The following ATP10A variants were observed in gnomAD, a reference collection of about 807,000 sequenced individuals.
ATP10A encodes the protein ATPase phospholipid transporting 10A (putative), also known as phospholipid-transporting ATPase VA.
ATP10A carries 111 observed loss-of-function variants against 147.8 expected under a neutral mutation model. The ratio of observed to expected loss-of-function variants is 0.75; its 90% CI spans 0.64 to 0.88. The LOEUF is 0.88. ATP10A is among the 40% of genes least tolerant of loss of function. The pLI, the probability that ATP10A is intolerant of heterozygous loss-of-function variation, is 0.00. For synonymous variants in ATP10A, 875 were observed against 841.6 expected (o/e 1.04, Z -0.69); for missense variants, 1,927 against 1,959.0 (o/e 0.98, Z 0.31).
chr15:25,685,708 C>T (rs1899675317), intron 16 of ATP10A, among the ~76,000 whole-genome samples: 1 of 151,952 alleles, frequency 6.6e-6, no homozygotes, highest in African/African-American at 2.4e-5. Flanking sequence ...CCTGTAGTCC[C>T]AGCTACTCAG....
intron 2 of ATP10A, among the ~76,000 whole-genome samples, chr15:25,759,990 T>A (rs529344786): frequency 8.2e-4 from 124 of 151,502 alleles, no homozygotes; most frequent in Non-Finnish European, 1.4e-3. Context: ...TTCTTTGAGA[T>A]GAAGTCTCAC....
chr15:25,673,319 C>G (rs1468787169), downstream of ATP10A, among the ~76,000 whole-genome samples: 1 of 152,202 alleles, frequency 6.6e-6, no homozygotes, highest in African/African-American at 2.4e-5. Context: ...GCAGAAATTT[C>G]AAACAAGCGT....
chr15:25,681,926 C>T (rs184010261), intron 17 of ATP10A, among the ~76,000 whole-genome samples: 87 of 151,890 alleles, frequency 5.7e-4, no homozygotes, highest in African/African-American at 2.1e-3. Context: ...TGGTGGTGGG[C>T]GCCTGTAGTC....
intron 1 of ATP10A, among the ~76,000 whole-genome samples, chr15:25,835,499 T>G (rs1267035828): frequency 6.6e-6 from 1 of 152,188 alleles, no homozygotes; most frequent in Non-Finnish European, 1.5e-5. Context: ...GCTGCTTTCC[T>G]GACTATGGGG....
downstream of ATP10A, among the ~76,000 whole-genome samples, chr15:25,674,797 C>T (rs925830460): frequency 9.9e-5 from 15 of 152,230 alleles, no homozygotes; most frequent in Non-Finnish European, 2.1e-4. Context: ...CACGAATCTG[C>T]CTGTGGCATT....
chr15:25,762,005 C>T (rs760363726), intron 2 of ATP10A, among the ~76,000 whole-genome samples: 4 of 152,106 alleles, frequency 2.6e-5, no homozygotes, highest in African/African-American at 9.7e-5. Context: ...TTGTGGCTCC[C>T]GTAGTCCCCA....
chr15:25,696,336 C>T (rs893578585), intron 13 of ATP10A, among the ~76,000 whole-genome samples: 4 of 152,192 alleles, frequency 2.6e-5, no homozygotes, highest in South Asian at 2.1e-4. Flanking sequence ...CCAGGATGTG[C>T]GAAAGTGTGG....
chr15:25,776,204 A>G (rs1889597224), intron 2 of ATP10A, among the ~76,000 whole-genome samples: 1 of 152,218 alleles, frequency 6.6e-6, no homozygotes, highest in African/African-American at 2.4e-5. Flanking sequence ...TGAACTAGAA[A>G]CTGCTACCCA....
chr15:25,774,488 C>T (rs1256256179), intron 2 of ATP10A, among the ~76,000 whole-genome samples: 1 of 151,638 alleles, frequency 6.6e-6, no homozygotes, highest in Non-Finnish European at 1.5e-5. Context: ...GCAGGAGAAT[C>T]ACTTGAACCC....
intron 7 of ATP10A, among the ~76,000 whole-genome samples, chr15:25,719,095 A>T (rs1902041946): frequency 6.6e-6 from 1 of 152,158 alleles, no homozygotes; most frequent in Admixed American, 6.5e-5. Flanking sequence ...GGTTTTGCCC[A>T]GGGAGGACAG....
chr15:25,750,704 TATGATGATG>T (rs56087263), intron 2 of ATP10A, among the ~76,000 whole-genome samples: 42,751 of 150,804 alleles, frequency 0.28, 7,888 homozygotes, highest in African/African-American at 0.5. Flanking sequence ...AACATATATA[TATGATGATG>T]ATGATGATGA....
intron 2 of ATP10A, among the ~76,000 whole-genome samples, chr15:25,737,930 T>C (rs960453401): frequency 1.3e-5 from 2 of 152,138 alleles, no homozygotes; most frequent in African/African-American, 4.8e-5. Flanking sequence ...TGCTGACCCC[T>C]TACTCCCGAA....
At chr15:25,777,091 A>G (rs1567375891) in intron 2 of ATP10A, among the ~76,000 whole-genome samples, 3 of 83,826 alleles carry the variant, frequency 3.6e-5, no homozygotes. Flanking sequence ...GTGTGTGCAT[A>G]CGTGCGTGTG....
In ATP10A at chr15:25,680,380, T is replaced by G. The variant is rs567823550; in HGVS notation, c.3679-72A>C. 93 of 1,495,804 alleles carry G rather than the reference T, an allele frequency of 6.2e-5. No individual in the cohort carries two copies. The East Asian group carries it at 1.9e-3, about 30-fold the overall frequency. 92.7% of individuals were successfully genotyped at this position (1,495,804 alleles called of 1,614,324 possible). ...GACAACAATGACAATAACAAAAACGTGCCAGTCATCAATGAGCAGGTGTGA... is the reference window on the plus strand; with the variant it reads ...GACAACAATGACAATAACAAAAACGGGCCAGTCATCAATGAGCAGGTGTGA... On this transcript the variant is annotated intron_variant, in intron 19 of 20. Transcript: ENST00000555815.
At chr15:25,761,420 G>C (rs1395577987) in intron 2 of ATP10A, among the ~76,000 whole-genome samples, 1 of 152,204 alleles carries the variant, frequency 6.6e-6, no homozygotes, top group Non-Finnish European at 1.5e-5. Flanking sequence ...TGTGAGAAGA[G>C]GGCCACCGTC....
chr15:25,673,615 G>A (rs920259939), downstream of ATP10A, among the ~76,000 whole-genome samples: 4 of 152,224 alleles, frequency 2.6e-5, no homozygotes, highest in African/African-American at 4.8e-5. Context: ...GGCTTCCAGA[G>A]TAGAGCGTTC....
intron 12 of ATP10A, among the ~76,000 whole-genome samples, chr15:25,707,562 G>T (rs1318735575): frequency 6.6e-6 from 1 of 152,174 alleles, no homozygotes; most frequent in Admixed American, 6.5e-5. Flanking sequence ...CAGTAAAAAT[G>T]AGCCCATTTT....
intron 1 of ATP10A, among the ~76,000 whole-genome samples, chr15:25,854,326 A>G (rs758492994): frequency 6.6e-6 from 1 of 152,226 alleles, no homozygotes; most frequent in Non-Finnish European, 1.5e-5. Context: ...CCAGAATAAA[A>G]CAAATTTCCA....
chr15:25,864,567 C>T (rs558470306), upstream of ATP10A, among the ~76,000 whole-genome samples: 3 of 152,310 alleles, frequency 2.0e-5, no homozygotes, highest in East Asian at 3.9e-4. Context: ...TGCCACCATC[C>T]ACAATGTTGC....
Sources: gnomAD v4.1 joint callset for allele counts (sites outside exome capture counted in the v4.1 genomes callset) on GRCh38, gnomAD v4.1.1 for gene constraint, MANE v1.5 for transcripts, NCBI Gene and HGNC (gene_info 2026-07-23, HGNC 2026-07-21) for gene names.